Variants in RALGAPA1 observed in about 807,000 individuals in gnomAD.
The protein encoded by RALGAPA1 is ral GTPase-activating protein subunit alpha-1.
Under a neutral mutation model 269.6 loss-of-function variants are expected in RALGAPA1, and 52 were observed. That is an observed-to-expected ratio of 0.19 (90% CI 0.15 to 0.24). The LOEUF is 0.24. Ranked by LOEUF, RALGAPA1 falls within the 10% of genes least tolerant of loss-of-function variation. RALGAPA1 has a pLI of 1.00. For missense variants in RALGAPA1, 1,917 were observed against 3,013.9 expected, an observed-to-expected ratio of 0.64 and a Z score of 8.52; for synonymous variants, 817 against 1,008.3, an observed-to-expected ratio of 0.81 and a Z score of 3.60.
chr14:35,805,786 G>A (rs1303872413), intron 1 of RALGAPA1, among the ~76,000 whole-genome samples: 4 of 149,996 alleles, frequency 2.7e-5, no homozygotes, highest in Non-Finnish European at 5.9e-5. Flanking sequence ...CCAGGTTCAC[G>A]CGATTCTCCT....
intron 35 of RALGAPA1, among the ~76,000 whole-genome samples, chr14:35,620,839 A>T (rs1017743609): frequency 4.6e-5 from 7 of 152,194 alleles, no homozygotes; most frequent in African/African-American, 1.7e-4. Context: ...AGAACTACAA[A>T]CCACTGCTCA....
chr14:35,631,847 A>C (rs1437274611), intron 33 of RALGAPA1, among the ~76,000 whole-genome samples: 3 of 152,210 alleles, frequency 2.0e-5, no homozygotes, highest in Non-Finnish European at 4.4e-5. Flanking sequence ...CATAGGTCTT[A>C]TGAGTTTCTT....
chr14:35,560,295 T>C (rs2056083455), intron 39 of RALGAPA1, among the ~76,000 whole-genome samples: 1 of 152,210 alleles, frequency 6.6e-6, no homozygotes. Context: ...TCTTGATCTT[T>C]ATCTGCCACT....
chr14:35,611,446 G>C (rs1423253214), intron 35 of RALGAPA1, among the ~76,000 whole-genome samples: 1 of 151,306 alleles, frequency 6.6e-6, no homozygotes, highest in Non-Finnish European at 1.5e-5. Flanking sequence ...AGGATGCAGT[G>C]AGCTGAGATC....
intron 12 of RALGAPA1, among the ~76,000 whole-genome samples, chr14:35,731,108 T>C (rs1307822613): frequency 6.6e-6 from 1 of 152,210 alleles, no homozygotes; most frequent in African/African-American, 2.4e-5. Context: ...GGAGACTAGC[T>C]GGGTGGCTAG....
chr14:35,693,053 G>A (rs577473293), intron 17 of RALGAPA1, among the ~76,000 whole-genome samples: 5 of 152,024 alleles, frequency 3.3e-5, no homozygotes, highest in African/African-American at 1.2e-4. Flanking sequence ...AAAGTGAGGA[G>A]TTGTGGTGTC....
intron 33 of RALGAPA1, among the ~76,000 whole-genome samples, chr14:35,634,237 T>C (rs1365908016): frequency 6.6e-6 from 1 of 152,124 alleles, no homozygotes; most frequent in Admixed American, 6.5e-5. Context: ...ATTGGAGCAT[T>C]TCAGATTTTG....
chr14:35,586,526 C>T (rs140365140), intron 37 of RALGAPA1, among the ~76,000 whole-genome samples: 1 of 152,272 alleles, frequency 6.6e-6, no homozygotes, highest in African/African-American at 2.4e-5. Context: ...TTGTCTTGTA[C>T]CAGTTTTCAA....
chr14:35,671,269 G>T, intron 26 of RALGAPA1, 120 bp downstream of exon 26: 1 of 726,906 alleles, frequency 1.4e-6, no homozygotes, highest in Non-Finnish European at 2.1e-6. Flanking sequence ...TGTAGGAGAA[G>T]CAATCAATTC....
chr14:35,619,663 G>T (rs1050700603), intron 35 of RALGAPA1, among the ~76,000 whole-genome samples: 4 of 151,982 alleles, frequency 2.6e-5, no homozygotes, highest in African/African-American at 9.7e-5. Context: ...ATGACAAAGG[G>T]GGTATCACCA....
intron 27 of RALGAPA1, among the ~76,000 whole-genome samples, chr14:35,663,263 C>T (rs1024372927): frequency 6.6e-6 from 1 of 151,924 alleles, no homozygotes; most frequent in Non-Finnish European, 1.5e-5. Flanking sequence ...GCAAAAAGAC[C>T]TTGTGGTATA....
Position 35,767,404 on chromosome 14 carries a change from A to T in RALGAPA1, c.325+3538T>A, listed in dbSNP as rs546768647. 5.3e-5 allele frequency among the ~76,000 whole-genome samples: 8 copies of T among 152,288 alleles called. No homozygotes were observed. The South Asian group carries it at 1.4e-3, about 28-fold the overall frequency. On this transcript the variant is annotated intron_variant, in intron 4 of 41. Transcript: ENST00000680220. ...GTTACATCTTAAAAAAACTAGAAAC[A>T]GGGCCAGGCGCAGTGACTCACACCT...
chr14:35,797,138 A>T (rs1220548934), intron 1 of RALGAPA1, among the ~76,000 whole-genome samples: 1 of 151,128 alleles, frequency 6.6e-6, no homozygotes, highest in Non-Finnish European at 1.5e-5. Flanking sequence ...GCAGATCACA[A>T]GGCCAAGAGA....
intron 17 of RALGAPA1, among the ~76,000 whole-genome samples, chr14:35,698,372 A>T (rs1363233204): frequency 6.6e-6 from 1 of 152,196 alleles, no homozygotes; most frequent in Non-Finnish European, 1.5e-5. Flanking sequence ...TAGCTATTCA[A>T]AAATGTTTTA....
intron 1 of RALGAPA1, among the ~76,000 whole-genome samples, chr14:35,803,558 G>GC (rs2077130166): frequency 6.6e-6 from 1 of 151,494 alleles, no homozygotes; most frequent in South Asian, 2.1e-4. Context: ...CGAAGAGACA[G>GC]CCCAAAGACT....
At chr14:35,541,291 C>T (rs2053971804) in intron 41 of RALGAPA1, among the ~76,000 whole-genome samples, 1 of 152,008 alleles carries the variant, frequency 6.6e-6, no homozygotes, top group Non-Finnish European at 1.5e-5. Flanking sequence ...ATGATCCACC[C>T]TCCTGGGCCT....
chr14:35,684,861 C>T (rs2065779226), intron 20 of RALGAPA1, 68 bp downstream of exon 20: 20 of 1,480,068 alleles, frequency 1.4e-5, no homozygotes, highest in Non-Finnish European at 1.8e-5. Flanking sequence ...GCTACATAAT[C>T]CGTAAGTCAG....
chr14:35,722,374 G>A (rs752036043), intron 15 of RALGAPA1, among the ~76,000 whole-genome samples: 8 of 152,200 alleles, frequency 5.3e-5, no homozygotes, highest in Non-Finnish European at 1.0e-4. Context: ...CACTTTGGGA[G>A]GTGGAGGTGG....
intron 16 of RALGAPA1, among the ~76,000 whole-genome samples, chr14:35,701,898 A>G (rs2067385017): frequency 6.6e-6 from 1 of 152,058 alleles, no homozygotes; most frequent in Non-Finnish European, 1.5e-5. Context: ...ACCCTCTCAC[A>G]TTGGTCTCCC....
Sources: gnomAD v4.1 joint callset for allele counts (sites outside exome capture counted in the v4.1 genomes callset) on GRCh38, gnomAD v4.1.1 for gene constraint, MANE v1.5 for transcripts, NCBI Gene and HGNC (gene_info 2026-07-23, HGNC 2026-07-21) for gene names.